Variants in CD226 observed in about 807,000 individuals in gnomAD.
The protein encoded by CD226 is CD226 molecule, also known as CD226 antigen.
Under a neutral mutation model 34.9 loss-of-function variants are expected in CD226, and 24 were observed. The ratio of observed to expected loss-of-function variants is 0.69; its 90% confidence interval spans 0.50 to 0.97. The LOEUF (loss-of-function observed/expected upper bound fraction) is 0.97. CD226 is among the 50% of genes least tolerant of loss of function. CD226 has a pLI of 0.00. For missense variants in CD226, 397 were observed against 412.7 expected, an observed-to-expected ratio of 0.96 and a Z score of 0.33; for synonymous variants, 148 against 147.4, an observed-to-expected ratio of 1.00 and a Z score of -0.03.
rs183060711 is a variant in CD226 at position 69,921,797 on chromosome 18, T to A, written c.382+24937A>T. Among the ~76,000 whole-genome samples, 79 of 152,384 alleles carry A rather than the reference T, an allele frequency of 5.2e-4. 1 individual carries two copies. Among genetic ancestry groups the A allele is most frequent in the African/African-American group, 1.9e-3 (77 of 41,592 alleles). On this transcript the variant is annotated intron_variant, in intron 2 of 5. Coordinates refer to ENST00000582621, the MANE Select transcript of CD226 (RefSeq NM_001303618.2). The stretch of plus-strand genomic sequence containing the variant: ...TTTGCCTCCATGATATTCTTTATTC[T>A]TAGTCTTACTGCTCTACTGACTTCT...
chr18:69,900,414 T>C (rs889081832), intron 2 of CD226, among the ~76,000 whole-genome samples: 6 of 152,176 alleles, frequency 3.9e-5, no homozygotes, highest in Admixed American at 3.3e-4. Context: ...CCTTCACATG[T>C]ACCCACAAAC....
upstream of CD226, among the ~76,000 whole-genome samples, chr18:69,948,531 G>A (rs919877499): frequency 6.6e-6 from 1 of 152,156 alleles, no homozygotes; most frequent in Non-Finnish European, 1.5e-5. Context: ...TACTCAGCAT[G>A]AATATCTAAT....
chr18:69,943,545 T>C (rs1333402153), intron 2 of CD226, among the ~76,000 whole-genome samples: 1 of 152,262 alleles, frequency 6.6e-6, no homozygotes, highest in Admixed American at 6.5e-5. Flanking sequence ...CAGAATAAGA[T>C]GTCCTGTTTG....
intron 2 of CD226, among the ~76,000 whole-genome samples, chr18:69,922,776 C>T (rs573529442): frequency 2.6e-5 from 4 of 152,288 alleles, no homozygotes; most frequent in Non-Finnish European, 5.9e-5. Flanking sequence ...ATTCCACCCT[C>T]ATACAGCTTT....
chr18:69,870,460 A>T (rs1171515930), intron 4 of CD226, among the ~76,000 whole-genome samples: 1 of 151,572 alleles, frequency 6.6e-6, no homozygotes, highest in Non-Finnish European at 1.5e-5. Context: ...GTTTTAGTAG[A>T]GATGGGGTTT....
At chr18:69,911,539 G>A (rs1479481598) in intron 2 of CD226, among the ~76,000 whole-genome samples, 2 of 151,968 alleles carry the variant, frequency 1.3e-5, no homozygotes, top group African/African-American at 2.4e-5. Context: ...CAACTGATGC[G>A]GCCAGGCACT....
chr18:69,912,751 T>C (rs1281062464), intron 2 of CD226, among the ~76,000 whole-genome samples: 5 of 152,250 alleles, frequency 3.3e-5, no homozygotes, highest in African/African-American at 1.2e-4. Context: ...TGCAGTACTA[T>C]TTCATTTTCA....
At chr18:69,897,861 C>T (rs906777160) in intron 2 of CD226, among the ~76,000 whole-genome samples, 4 of 151,824 alleles carry the variant, frequency 2.6e-5, no homozygotes, top group Admixed American at 6.6e-5. Flanking sequence ...CTTCAGCATG[C>T]GGTTCCATGT....
intron 2 of CD226, among the ~76,000 whole-genome samples, chr18:69,925,162 C>G (rs907701197): frequency 2.0e-5 from 3 of 152,166 alleles, no homozygotes; most frequent in Non-Finnish European, 2.9e-5. Flanking sequence ...TGCAAATGGC[C>G]ACCATGCTTC....
At chr18:69,928,503 G>A (rs571480055) in intron 2 of CD226, among the ~76,000 whole-genome samples, 4 of 152,232 alleles carry the variant, frequency 2.6e-5, no homozygotes, top group Middle Eastern at 6.8e-3. Context: ...AACATCCGGG[G>A]GAATGCAGGA....
intron 2 of CD226, among the ~76,000 whole-genome samples, chr18:69,944,921 A>G (rs1008364767): frequency 6.6e-6 from 1 of 152,228 alleles, no homozygotes; most frequent in African/African-American, 2.4e-5. Context: ...TCTTCACCCT[A>G]GCTACACCTA....
intron 3 of CD226, among the ~76,000 whole-genome samples, chr18:69,879,552 G>GA (rs34024807): frequency 0.44 from 66,318 of 151,632 alleles, 14,738 homozygotes; most frequent in Middle Eastern, 0.61. Flanking sequence ...CTTGTTCTCT[G>GA]AAAATCACAG....
In CD226 at chr18:69,946,765, A is replaced by C. The variant is rs769129613; in HGVS notation, c.351T>G (p.Thr117=). 3.1e-6 allele frequency: 5 copies of C among 1,613,980 alleles called. No homozygotes were observed. In the South Asian group the frequency reaches 4.4e-5, roughly 14 times the overall value. Residue 117 remains threonine, a synonymous_variant, in exon 2 of 6, where the codon ACT becomes ACG. Coordinates refer to ENST00000582621, the MANE Select transcript of CD226 (RefSeq NM_001303618.2). ...SCSLYTYPQG[T]WQKVIQVVQS... Reference sequence around the variant, plus strand: ...GAACCACCTGTATCACCTTCTGCCAAGTTCCCTGTGGGTAAGTGTAAAGAG... The same window carrying C: ...GAACCACCTGTATCACCTTCTGCCACGTTCCCTGTGGGTAAGTGTAAAGAG...
intron 2 of CD226, among the ~76,000 whole-genome samples, chr18:69,909,609 T>C (rs115588972): frequency 3.3e-5 from 5 of 152,186 alleles, no homozygotes; most frequent in Admixed American, 6.5e-5. Context: ...GCAGGGATAG[T>C]TGTAATCATC....
intron 2 of CD226, among the ~76,000 whole-genome samples, chr18:69,900,584 T>C (rs987471424): frequency 5.3e-5 from 8 of 150,588 alleles, no homozygotes; most frequent in Admixed American, 1.3e-4. Context: ...TACAAAAAAT[T>C]AGCCGGGCGC....
At chr18:69,907,260 A>G (rs1004874354) in intron 2 of CD226, among the ~76,000 whole-genome samples, 1 of 152,204 alleles carries the variant, frequency 6.6e-6, no homozygotes, top group Non-Finnish European at 1.5e-5. Flanking sequence ...ACTAAATTGT[A>G]CTTGGAGCCT....
intron 3 of CD226, among the ~76,000 whole-genome samples, chr18:69,878,683 C>G (rs1228682852): frequency 6.6e-6 from 1 of 152,176 alleles, no homozygotes; most frequent in African/African-American, 2.4e-5. Flanking sequence ...TGAGAGACCA[C>G]CTCACACCTT....
At chr18:69,961,186 T>C (rs994532795), upstream of CD226, among the ~76,000 whole-genome samples, 9 of 152,202 alleles carry the variant, frequency 5.9e-5, no homozygotes, top group African/African-American at 9.7e-5. Flanking sequence ...TGTGCCTGTG[T>C]GAATATATAT....
chr18:69,884,857 T>C (rs1984469364), intron 3 of CD226, among the ~76,000 whole-genome samples: 1 of 152,230 alleles, frequency 6.6e-6, no homozygotes, highest in South Asian at 2.1e-4. Context: ...ATGTAATGGG[T>C]TGTATCTACT....
Sources: gnomAD v4.1 joint callset for allele counts (sites outside exome capture counted in the v4.1 genomes callset) on GRCh38, gnomAD v4.1.1 for gene constraint, MANE v1.5 for transcripts, NCBI Gene and HGNC (gene_info 2026-07-23, HGNC 2026-07-21) for gene names.